Variants in SRP68 observed in about 807,000 individuals in gnomAD.
The protein encoded by SRP68 is signal recognition particle 68.
In SRP68, 15 loss-of-function variants were observed where a neutral mutation model predicts 82.2. The ratio of observed to expected loss-of-function variants is 0.18; its 90% CI spans 0.12 to 0.28. The LOEUF (loss-of-function observed/expected upper bound fraction) is 0.28, where lower values mean the gene tolerates loss of function less well. SRP68 is among the 10% of genes least tolerant of loss of function. SRP68 has a pLI of 1.00. For synonymous variants in SRP68, 261 were observed against 292.6 expected (o/e 0.89, Z 1.10); for missense variants, 595 against 780.5 (o/e 0.76, Z 2.83).
In SRP68 at chr17:76,072,043, T is replaced by C. The variant is rs2066856705; in HGVS notation, c.184+265A>G. On this transcript the variant is annotated intron_variant, in intron 1 of 15. Transcript: ENST00000307877. This position sits in a 1 kb window ranked among gnomAD's most constrained non-coding sequence, Gnocchi z 4.5. ...GTCACAAGCCCTCCAACTGGACAAC[T>C]GCGGGGCACCAGGGGAAACCTGCCT... 7 of 597,278 alleles carry C rather than the reference T, an allele frequency of 1.2e-5. No individual in the cohort carries two copies. The South Asian group carries it at 1.5e-4, about 12-fold the overall frequency. 37.0% of individuals were successfully genotyped at this position (597,278 alleles called of 1,614,324 possible).
rs1567935176 is a variant in SRP68, at chr17:76,062,728, T to TATATAATATATAATATACA, written c.562-1155_562-1154insTGTATATTATATATTATAT. ...ATATTATACAATATATTATATTTATTTTATATATATATATATATATATATA... is the reference window on the plus strand; with the variant it reads ...ATATTATACAATATATTATATTTATTATATAATATATAATATACATTATATATATATATATATATATATA... On this transcript the variant is annotated intron_variant, in intron 4 of 15. Coordinates refer to ENST00000307877, the MANE Select transcript of SRP68 (RefSeq NM_014230.4). Among the ~76,000 whole-genome samples, 2 of 15,154 alleles carry TATATAATATATAATATACA rather than the reference T, an allele frequency of 1.3e-4. 1 individual carries two copies. The highest frequency in any genetic ancestry group is 1.6e-3 in the African/African-American group (2 of 1,232). The allele number at this position is 15,154 out of a possible 152,430, so 9.9% of individuals were successfully genotyped here.
At chr17:76,067,825 A>T (rs2144530472) in intron 2 of SRP68, among the ~76,000 whole-genome samples, 1 of 152,344 alleles carries the variant, frequency 6.6e-6, no homozygotes, top group South Asian at 2.1e-4. Flanking sequence ...TATAGGAAAC[A>T]CAAAGAGATG....
chr17:76,043,750 TG>T, intron 13 of SRP68, 78 bp downstream of exon 13: 1 of 1,458,630 alleles, frequency 6.9e-7, no homozygotes, highest in South Asian at 1.4e-5. Flanking sequence ...GGCGCCCAGC[TG>T]TTGTACCCTC....
chr17:76,064,275 G>A (rs1461117247), intron 3 of SRP68, 104 bp from the exon 4 acceptor site: 6 of 980,638 alleles, frequency 6.1e-6, no homozygotes, highest in Admixed American at 4.7e-5. Context: ...ATACTCTCCC[G>A]CCTTTGCCAC....
At chr17:76,042,193 T>G (rs1266670108) in intron 13 of SRP68, among the ~76,000 whole-genome samples, 4 of 152,004 alleles carry the variant, frequency 2.6e-5, no homozygotes, top group Non-Finnish European at 5.9e-5. Context: ...CCCTGCTTGC[T>G]TTTCTAAATG....
chr17:76,040,412 G>C lies in SRP68; in HGVS notation c.1656+7C>G, dbSNP rs2066580464. 1 of 1,613,656 alleles carries C rather than the reference G, an allele frequency of 6.2e-7. No individual in the cohort carries two copies. The highest frequency in any genetic ancestry group is 8.5e-7 in the Non-Finnish European group (1 of 1,179,556). The stretch of plus-strand genomic sequence containing the variant: ...CGTATTCCTCAAAAACCATGGCCCA[G>C]ACTTACCTTATTGTCCTTGACTTGG... On this transcript the variant is annotated splice_region_variant and intron_variant, in intron 15 of 15. Coordinates refer to ENST00000307877, the MANE Select transcript of SRP68 (RefSeq NM_014230.4).
At chr17:76,061,983 T>C (rs1320821797) in intron 4 of SRP68, among the ~76,000 whole-genome samples, 1 of 148,922 alleles carries the variant, frequency 6.7e-6, no homozygotes, top group African/African-American at 2.5e-5. Flanking sequence ...TACCAAAAAT[T>C]AAAAAAAAAT....
intron 12 of SRP68, 35 bp downstream of exon 12, chr17:76,045,257 G>A (rs2066621125): frequency 6.5e-7 from 1 of 1,534,912 alleles, no homozygotes; most frequent in South Asian, 1.1e-5. Flanking sequence ...GAACCTGGGA[G>A]GCGGAGGAAA....
rs143508929 is a variant in SRP68 at position 76,057,420 on chromosome 17, C to T, written c.961G>A (p.Glu321Lys). Residue 321 changes from glutamate (E) to lysine (K), a missense_variant, in exon 8 of 16, where the codon GAA (glutamate) becomes AAA (lysine). Physicochemically the swap from Glu to Lys is moderately conservative, Grantham distance 56 (BLOSUM62 1). This residue lies in a region of SRP68 where 495 missense variants were observed against 688.6 expected (regional missense o/e 0.72). Transcript: ENST00000307877. ...CTCCTCACCTGGACAATAGCTGCTT[C>T]GTTATCAGCCAGTCCTAATAAGAAA... The part of the protein sequence containing the change: ...RIFLLGLADN[E>K]AAIVQAESEE... 3.2e-5 allele frequency: 52 copies of T among 1,614,046 alleles called. No homozygotes were observed. Among genetic ancestry groups the T allele is most frequent in the Non-Finnish European group, 3.9e-5 (46 of 1,180,042 alleles).
In SRP68 at chr17:76,048,019, C is replaced by A. The variant is rs149369364; in HGVS notation, c.1078-49G>T. 236 of 1,316,726 alleles carry A rather than the reference C, an allele frequency of 1.8e-4. 1 individual carries two copies. In the African/African-American group the frequency reaches 2.5e-3, roughly 14 times the overall value. 81.6% of individuals were successfully genotyped at this position (1,316,726 alleles called of 1,614,324 possible). A position where few individuals can be genotyped will look rare whatever the true frequency, so the allele number is the denominator to read the frequency against. ...AAGTAAAGCAACTGATGCTCTCCAT[C>A]GCTCTGACCACCTCATGGAATGGTG... On this transcript the variant is annotated intron_variant, in intron 9 of 15. Coordinates refer to ENST00000307877, the MANE Select transcript of SRP68 (RefSeq NM_014230.4).
chr17:76,068,967 A>G (rs1383720173), intron 2 of SRP68, among the ~76,000 whole-genome samples: 1 of 150,678 alleles, frequency 6.6e-6, no homozygotes, highest in Non-Finnish European at 1.5e-5. Flanking sequence ...TGTTCAATAC[A>G]TACATTTTGA....
At chr17:76,062,742 T>TATATATATATATATATATAAA (rs2066774658) in intron 4 of SRP68, among the ~76,000 whole-genome samples, 24 of 28,204 alleles carry the variant, frequency 8.5e-4, no homozygotes, top group Non-Finnish European at 1.3e-3. Flanking sequence ...TATATATATA[T>TATATATATATATATATATAAA]ATATATATAT....
chr17:76,059,288 TACTCCCAGC>T (rs1287229371), intron 7 of SRP68, among the ~76,000 whole-genome samples: 1 of 152,148 alleles, frequency 6.6e-6, no homozygotes, highest in Non-Finnish European at 1.5e-5. Context: ...CTCACGCCTA[TACTCCCAGC>T]ACTCTGGGAG....
rs778533325 is a variant in SRP68 at position 76,063,963 on chromosome 17, T to C, written c.561+13A>G. On this transcript the variant is annotated intron_variant, in intron 4 of 15. Coordinates refer to ENST00000307877, the MANE Select transcript of SRP68 (RefSeq NM_014230.4). ...ATCTCCACAATAAACAAGCTGAATG[T>C]TGAGGTACTAACCTGAGCCTCTAAT... is the stretch of plus-strand genomic sequence containing the variant. The C allele has an allele frequency of 2.5e-5, 40 of 1,603,414 alleles. No individual in the cohort carries two copies. The highest frequency in any genetic ancestry group is 1.7e-4 in the Middle Eastern group (1 of 6,040).
At chr17:76,043,645 C>T in intron 13 of SRP68, 184 bp downstream of exon 13, 1 of 478,722 alleles carries the variant, frequency 2.1e-6, no homozygotes, top group Admixed American at 4.3e-5. Context: ...CCTCCTCAGG[C>T]CTGGAGCACA....
In SRP68 at chr17:76,045,345, G is replaced by A. The variant is rs760457337; in HGVS notation, c.1341C>T (p.Asp447=). The A allele has an allele frequency of 1.2e-6, 2 of 1,613,696 alleles. No homozygotes were observed. Among genetic ancestry groups the A allele is most frequent in the African/African-American group, 2.7e-5 (2 of 74,908 alleles). The change falls in exon 12 of 16, where the codon GAC becomes GAT. Residue 447 remains aspartate, a synonymous_variant. Coordinates refer to ENST00000307877, the MANE Select transcript of SRP68 (RefSeq NM_014230.4). ...ELLQLPGLEE[D]KAFQKEIGLK... ...GGCCTATCTCTTTCTGGAAGGCTTT[G>A]TCTTCCTCTAAACCAGGAAGCTGGA...
At position 76,072,267 on chromosome 17, in the gene SRP68, C is replaced by T. The variant is rs867002310; in HGVS notation, c.184+41G>A. On this transcript the variant is annotated intron_variant, in intron 1 of 15. Coordinates refer to ENST00000307877, the MANE Select transcript of SRP68 (RefSeq NM_014230.4). The surrounding 1 kb of genome is among the most constrained non-coding windows in gnomAD (Gnocchi z 4.5). ...TCCCGCCCCCAGCCCTCCAGTTCGACACGTAATCATTGCGAGTTAGGCCCG... is the reference window on the plus strand; with the variant it reads ...TCCCGCCCCCAGCCCTCCAGTTCGATACGTAATCATTGCGAGTTAGGCCCG... 7 of 1,605,110 alleles carry T rather than the reference C, an allele frequency of 4.4e-6. No individual in the cohort carries two copies. The Middle Eastern group carries it at 5.0e-4, about 114-fold the overall frequency.
intron 3 of SRP68, among the ~76,000 whole-genome samples, chr17:76,066,150 C>G (rs575913582): frequency 5.1e-4 from 77 of 152,106 alleles, no homozygotes; most frequent in Non-Finnish European, 8.8e-4. Flanking sequence ...CAAGACTCTT[C>G]TATAATAATT....
Position 76,039,881 on chromosome 17 carries a change from T to C in SRP68, c.1709A>G (p.Lys570Arg). The C allele has an allele frequency of 6.2e-7, 1 of 1,614,228 alleles. No individual in the cohort carries two copies. Among genetic ancestry groups the C allele is most frequent in the Non-Finnish European group, 8.5e-7 (1 of 1,180,038 alleles). The change falls in exon 16 of 16, where the codon AAG becomes AGG. Residue 570 changes from lysine to arginine, a missense_variant. Physicochemically the swap from Lys to Arg is conservative, Grantham distance 26. This residue lies in a region of SRP68 where 495 missense variants were observed against 688.6 expected (regional missense o/e 0.72). Transcript: ENST00000307877. Reference protein sequence around the residue: ...TFCLDPSLVTKQANLVHFPPG... With the variant: ...TFCLDPSLVTRQANLVHFPPG... ...TGGGAAGTGCACAAGGTTGGCTTGC[T>C]TGGTGACAAGGGAAGGGTCCAGGCA...
Sources: allele counts gnomAD v4.1 joint callset (sites outside exome capture counted in the v4.1 genomes callset), GRCh38; gene constraint gnomAD v4.1.1; regional missense constraint gnomAD v4.1.1; non-coding constraint Gnocchi (gnomAD v3.1); transcripts MANE v1.5; gene names NCBI Gene and HGNC (gene_info 2026-07-23, HGNC 2026-07-21).